Variants in ERGIC3 observed in about 807,000 individuals in gnomAD.
ERGIC3 encodes the protein endoplasmic reticulum-Golgi intermediate compartment protein 3.
ERGIC3 carries 33 observed loss-of-function variants against 54.7 expected under a neutral mutation model. The ratio of observed to expected loss-of-function variants is 0.60; its 90% CI spans 0.46 to 0.81. The LOEUF is 0.81. Among genes scored for constraint, ERGIC3 ranks in the 30% least tolerant of loss-of-function variants. The pLI, the probability that ERGIC3 is intolerant of heterozygous loss-of-function variation, is 0.00. For synonymous variants in ERGIC3, 186 were observed against 189.8 expected (o/e 0.98, Z 0.16); for missense variants, 399 against 488.4 (o/e 0.82, Z 1.73).
At chr20:35,544,035 TA>T in intron 4 of ERGIC3, 1 of 218,530 alleles carries the variant, frequency 4.6e-6, no homozygotes, top group Non-Finnish European at 9.3e-6. Context: ...TCTATCTATC[TA>T]TCTATCTATC....
At chr20:35,553,020 A>ATTTTTGTTTTTTTTTTTTTTT (rs2064689856) in intron 7 of ERGIC3, among the ~76,000 whole-genome samples, 1 of 41,552 alleles carries the variant, frequency 2.4e-5, no homozygotes. Context: ...AAAGCTGGGG[A>ATTTTTGTTTTTTTTTTTTTTT]TTTTTTTTTT....
chr20:35,547,246 T>C (rs1207906575), intron 4 of ERGIC3, 166 bp from the exon 5 acceptor site: 1 of 590,160 alleles, frequency 1.7e-6, no homozygotes, highest in Non-Finnish European at 3.1e-6. Context: ...TTAAAAGAAT[T>C]GATATGTGTG....
Position 35,556,999 on chromosome 20 carries a change from G to C in ERGIC3, c.906G>C (p.Val302=). 1 of 1,614,208 alleles carries C rather than the reference G, an allele frequency of 6.2e-7. No homozygotes were observed. Among genetic ancestry groups the C allele is most frequent in the Non-Finnish European group, 8.5e-7 (1 of 1,180,032 alleles). ...TACTGAGGACAAATCAGTTCTCTGTGACCAGACATGAGAAGGTTGCCAATG... is the reference window on the plus strand; with the variant it reads ...TACTGAGGACAAATCAGTTCTCTGTCACCAGACATGAGAAGGTTGCCAATG... The part of the protein sequence containing the change: ...GEVLRTNQFS[V]TRHEKVANGL... Residue 302 remains valine (V), a synonymous_variant, in exon 11 of 13, where the codon GTG becomes GTC. Coordinates refer to ENST00000348547, the MANE Select transcript of ERGIC3 (RefSeq NM_015966.3).
intron 4 of ERGIC3, among the ~76,000 whole-genome samples, chr20:35,546,795 A>G (rs1000435338): frequency 6.6e-5 from 10 of 152,172 alleles, no homozygotes; most frequent in Non-Finnish European, 1.3e-4. Context: ...TTGAAGTTGA[A>G]TTTTGGAAGA....
intron 10 of ERGIC3, 71 bp from the exon 11 acceptor site, chr20:35,556,901 AG>A: frequency 6.3e-7 from 1 of 1,599,942 alleles, no homozygotes; most frequent in East Asian, 2.2e-5. Context: ...GGGAAGGAGC[AG>A]GGGTGGGGCT....
intron 7 of ERGIC3, among the ~76,000 whole-genome samples, chr20:35,550,253 A>G (rs1199530155): frequency 6.6e-6 from 1 of 152,076 alleles, no homozygotes; most frequent in Non-Finnish European, 1.5e-5. Flanking sequence ...TAAGGCTAGA[A>G]TGTGCTTGGC....
chr20:35,543,045 T>C, intron 4 of ERGIC3, 104 bp downstream of exon 4: 4 of 1,554,468 alleles, frequency 2.6e-6, no homozygotes, highest in Non-Finnish European at 3.5e-6. Context: ...ATTAAACAAC[T>C]AAGAGCTAGA....
intron 4 of ERGIC3, chr20:35,543,155 T>A: frequency 1.9e-6 from 1 of 536,862 alleles, no homozygotes. Flanking sequence ...TGGCTATTAT[T>A]CTCAGAGGTC....
chr20:35,542,194 C>A lies in ERGIC3; in HGVS notation c.88+9C>A. ...CTGCGGGGGCGCCACCGGTAGGCCG[C>A]AGCGGGGCCGGGGTCGCGTGGAGGG... is the stretch of plus-strand genomic sequence containing the variant. On this transcript the variant is annotated intron_variant, in intron 1 of 12. Coordinates refer to ENST00000348547, the MANE Select transcript of ERGIC3 (RefSeq NM_015966.3). 6.3e-7 allele frequency: 1 copy of A among 1,581,668 alleles called. No homozygotes were observed. The highest frequency in any genetic ancestry group is 1.2e-5 in the South Asian group (1 of 86,382).
intron 7 of ERGIC3, chr20:35,554,372 T>C (rs1440974593): frequency 1.2e-6 from 2 of 1,612,784 alleles, no homozygotes; most frequent in Admixed American, 1.7e-5. Context: ...CATGCTGCAG[T>C]ACATGCTGTG....
At chr20:35,554,171 C>T (rs996424658) in intron 7 of ERGIC3, among the ~76,000 whole-genome samples, 3 of 152,208 alleles carry the variant, frequency 2.0e-5, no homozygotes, top group Non-Finnish European at 4.4e-5. Context: ...TCTTGTCCTT[C>T]TAGGCCACTA....
chr20:35,549,986 G>T (rs1312720337), intron 7 of ERGIC3, among the ~76,000 whole-genome samples: 1 of 152,060 alleles, frequency 6.6e-6, no homozygotes, highest in African/African-American at 2.4e-5. Flanking sequence ...CGTAACCCCA[G>T]TGTAGGTCAG....
chr20:35,547,516 G>C lies in ERGIC3; in HGVS notation c.461+11G>C, dbSNP rs1184279749. ...GGCAGAAGATATCAAGTGAGCTGGC[G>C]GGGAGCGGGAGCAGGGTTCCCATCA... On this transcript the variant is annotated intron_variant, in intron 5 of 12. Transcript: ENST00000348547. 1 of 1,612,840 alleles carries C rather than the reference G, an allele frequency of 6.2e-7. No individual in the cohort carries two copies. Among genetic ancestry groups the C allele is most frequent in the South Asian group, 1.1e-5 (1 of 91,054 alleles).
chr20:35,547,149 A>G (rs2064653031), intron 4 of ERGIC3: 1 of 334,344 alleles, frequency 3.0e-6, no homozygotes, highest in Non-Finnish European at 5.6e-6. Flanking sequence ...GTGGGGATGA[A>G]ATGAGATGAT....
chr20:35,557,620 T>G lies in ERGIC3; in HGVS notation c.*116T>G. The G allele has an allele frequency of 1.2e-6, 1 of 844,098 alleles. No homozygotes were observed. The highest frequency in any genetic ancestry group is 1.9e-6 in the Non-Finnish European group (1 of 516,558). The allele number at this position is 844,098 out of a possible 1,614,324, so 52.3% of individuals were successfully genotyped here. ...AGCCCCAGGTTGATAAATCTATTGATTGATTGTGATAGTACTCACTGGTCT... is the reference window on the plus strand; with the variant it reads ...AGCCCCAGGTTGATAAATCTATTGAGTGATTGTGATAGTACTCACTGGTCT... On this transcript the variant is annotated 3_prime_UTR_variant, in exon 13 of 13. Coordinates refer to ENST00000348547, the MANE Select transcript of ERGIC3 (RefSeq NM_015966.3).
At chr20:35,551,793 T>C (rs1166633913) in intron 7 of ERGIC3, among the ~76,000 whole-genome samples, 2 of 152,220 alleles carry the variant, frequency 1.3e-5, no homozygotes, top group African/African-American at 4.8e-5. Context: ...CAGTCACTTA[T>C]AGCCTTGACT....
intron 7 of ERGIC3, among the ~76,000 whole-genome samples, chr20:35,552,999 C>T (rs912492962): frequency 7.6e-6 from 1 of 130,916 alleles, no homozygotes; most frequent in Non-Finnish European, 1.6e-5. Context: ...GGCTGCTTTG[C>T]CCTGAGCTTC....
At chr20:35,557,393 T>C (rs1240070587) in intron 12 of ERGIC3, 32 bp from the exon 13 acceptor site, 4 of 1,611,766 alleles carry the variant, frequency 2.5e-6, no homozygotes, top group South Asian at 1.1e-5. Context: ...AGGCCCCCAC[T>C]GGGCCAGTGC....
In ERGIC3 at chr20:35,556,989, A is replaced by AG. The variant is rs1229912732; in HGVS notation, c.897dup (p.Phe300ValfsTer7). ...CCACCCCAGGTACTGAGGACAAATC[A>AG]GTTCTCTGTGACCAGACATGAGAAG... is the stretch of plus-strand genomic sequence containing the variant. On this transcript the variant is annotated frameshift_variant, in exon 11 of 13. Transcript: ENST00000348547. LOFTEE classifies it high-confidence loss of function. 3 of 1,614,192 alleles carry AG rather than the reference A, an allele frequency of 1.9e-6. No homozygotes were observed. The highest frequency in any genetic ancestry group is 2.5e-6 in the Non-Finnish European group (3 of 1,180,022).
Sources: allele counts gnomAD v4.1 joint callset (sites outside exome capture counted in the v4.1 genomes callset), GRCh38; gene constraint gnomAD v4.1.1; transcripts MANE v1.5; gene names NCBI Gene and HGNC (gene_info 2026-07-23, HGNC 2026-07-21).